OBP2B: variants seen among roughly 807,000 people sequenced by gnomAD.
OBP2B encodes odorant-binding protein 2b.
A neutral mutation model predicts 21.7 loss-of-function variants in OBP2B; 10 were observed. The ratio of observed to expected loss-of-function variants is 0.46; its 90% CI spans 0.28 to 0.78. The LOEUF (loss-of-function observed/expected upper bound fraction) is 0.78. Ranked by LOEUF, OBP2B falls within the 30% of genes least tolerant of loss-of-function variation. OBP2B has a pLI of 0.11. For missense variants in OBP2B, 153 were observed against 217.7 expected, an observed-to-expected ratio of 0.70 and a Z score of 1.87; for synonymous variants, 73 against 91.5, an observed-to-expected ratio of 0.80 and a Z score of 1.16.
At chr9:133,212,110 C>T (rs565044874), upstream of OBP2B, among the ~76,000 whole-genome samples, 1 of 152,212 alleles carries the variant, frequency 6.6e-6, no homozygotes, top group South Asian at 2.1e-4. Context: ...GGAAATTATA[C>T]AATAATAAGT....
At chr9:133,220,174 GA>G in the OBP2B span, among the ~76,000 whole-genome samples, 34 of 152,276 alleles carry the variant, frequency 2.2e-4, no homozygotes, top group African/African-American at 6.5e-4. Context: ...AGATCTCCTG[GA>G]ATTAGATAGT....
intron 5 of OBP2B, 43 bp from the exon 6 acceptor site, chr9:133,205,983 G>T: frequency 6.2e-7 from 1 of 1,613,816 alleles, no homozygotes; most frequent in Non-Finnish European, 8.5e-7. Flanking sequence ...AGGCGCCCTA[G>T]ACCAGGGCCC....
chr9:133,223,083 G>C, the OBP2B span, among the ~76,000 whole-genome samples: 2 of 152,168 alleles, frequency 1.3e-5, no homozygotes, highest in Admixed American at 1.3e-4. This position sits in a 1 kb window ranked among gnomAD's most constrained non-coding sequence, Gnocchi z 4.4. Flanking sequence ...TATCCAAAAT[G>C]CCGTATTTAA....
upstream of OBP2B, among the ~76,000 whole-genome samples, chr9:133,209,703 C>T (rs1303043152): frequency 7.9e-5 from 12 of 152,260 alleles, no homozygotes; most frequent in Non-Finnish European, 1.8e-4. The surrounding 1 kb of genome is among the most constrained non-coding windows in gnomAD (Gnocchi z 6.0). Flanking sequence ...CAGCTGAGTC[C>T]CGCACGCCCT....
In OBP2B at chr9:133,205,292, C is replaced by A; in HGVS notation, c.*121G>T. 3 of 1,486,294 alleles carry A rather than the reference C, an allele frequency of 2.0e-6. No individual in the cohort carries two copies. The highest frequency in any genetic ancestry group is 1.9e-4 in the Middle Eastern group (1 of 5,342). The allele number at this position is 1,486,294 out of a possible 1,614,324, so 92.1% of individuals were successfully genotyped here. ...CCTGCCCAGAGCTGGGGGAGAAGGA[C>A]TTTATTTGGAGTCAGGTGGGTGGGA... On this transcript the variant is annotated 3_prime_UTR_variant, in exon 7 of 7. Coordinates refer to ENST00000372034, the MANE Select transcript of OBP2B (RefSeq NM_014581.4).
upstream of OBP2B, among the ~76,000 whole-genome samples, chr9:133,211,672 C>T (rs1334942577): frequency 2.6e-5 from 4 of 152,196 alleles, no homozygotes; most frequent in African/African-American, 9.7e-5. Context: ...CTCAGAAGGA[C>T]TGAGTCCCAG....
At chr9:133,219,473 T>C in the OBP2B span, among the ~76,000 whole-genome samples, 1 of 152,222 alleles carries the variant, frequency 6.6e-6, no homozygotes, top group Non-Finnish European at 1.5e-5. Context: ...TAGACTTTCT[T>C]CAGAGAAGAT....
At chr9:133,208,224 G>C in intron 2 of OBP2B, 21 bp from the exon 3 acceptor site, 1 of 1,611,580 alleles carries the variant, frequency 6.2e-7, no homozygotes, top group Non-Finnish European at 8.5e-7. Context: ...GGAGACACGC[G>C]GGCAGCGGCT....
upstream of OBP2B, among the ~76,000 whole-genome samples, chr9:133,213,971 G>A (rs1221272490): frequency 6.6e-6 from 1 of 152,004 alleles, no homozygotes; most frequent in Non-Finnish European, 1.5e-5. Context: ...TATAGATACA[G>A]AAATCCTTTA....
the OBP2B span, among the ~76,000 whole-genome samples, chr9:133,215,457 C>A: frequency 9.9e-5 from 15 of 152,224 alleles, no homozygotes; most frequent in South Asian, 2.9e-3. Context: ...ACTAGAATAA[C>A]TAAAACTTTT....
chr9:133,208,770 G>GCCAGC (rs1833834600), intron 1 of OBP2B, among the ~76,000 whole-genome samples, 168 bp from the exon 2 acceptor site: 1 of 152,134 alleles, frequency 6.6e-6, no homozygotes, highest in Non-Finnish European at 1.5e-5. Context: ...GTGAGTTAGA[G>GCCAGC]CCAGCCCCCT....
At chr9:133,218,105 G>T in the OBP2B span, among the ~76,000 whole-genome samples, 1 of 152,232 alleles carries the variant, frequency 6.6e-6, no homozygotes, top group South Asian at 2.1e-4. Flanking sequence ...ATGAGGAACA[G>T]CCCCGCCAAG....
In OBP2B at chr9:133,206,317, G is replaced by A. The variant is rs782395961; in HGVS notation, c.488C>T (p.Thr163Met). 2.7e-5 allele frequency: 44 copies of A among 1,613,666 alleles called. No homozygotes were observed. The highest frequency in any genetic ancestry group is 1.6e-4 in the Middle Eastern group (1 of 6,084). ...SEEDIFTPLQ[T>M]GSCVPEH ...GGACTGGGCACAGCCATCCTCACCC[G>A]TCTGCAGGGGCGTGAAAATGTCCTC... is the stretch of plus-strand genomic sequence containing the variant. The change falls in exon 5 of 7, where the codon ACG becomes ATG. Residue 163 changes from threonine (T) to methionine (M), a missense_variant and splice_region_variant. Physicochemically the swap from Thr to Met is moderately conservative, Grantham distance 81 (BLOSUM62 -1). Transcript: ENST00000372034.
At chr9:133,220,240 T>G in the OBP2B span, among the ~76,000 whole-genome samples, 2 of 152,192 alleles carry the variant, frequency 1.3e-5, no homozygotes, top group Admixed American at 6.5e-5. Context: ...TTGGGCACTT[T>G]TAAAGAGTGA....
the OBP2B span, among the ~76,000 whole-genome samples, chr9:133,218,708 G>A: frequency 1.8e-3 from 274 of 152,292 alleles, no homozygotes; most frequent in African/African-American, 6.2e-3. Context: ...TATGCCTGGA[G>A]GGAATTTCAA....
chr9:133,223,009 T>C, the OBP2B span, among the ~76,000 whole-genome samples: 603 of 152,050 alleles, frequency 4.0e-3, 5 homozygotes, highest in African/African-American at 0.014. The surrounding 1 kb of genome is among the most constrained non-coding windows in gnomAD (Gnocchi z 4.4). Context: ...CTCTGAGAAG[T>C]TGCTGAATAA....
rs1185107777 is a variant in OBP2B at position 133,208,581 on chromosome 9, T to C, written c.94A>G (p.Lys32Glu). The change falls in exon 2 of 7, where the codon AAG becomes GAG. Residue 32 changes from lysine (K) to glutamate (E), a missense_variant. Physicochemically the swap from Lys to Glu is moderately conservative, Grantham distance 56. Coordinates refer to ENST00000372034, the MANE Select transcript of OBP2B (RefSeq NM_014581.4). ...AAGTCCTTATCGACCACCATGGCCT[T>C]CACGTACCAGGTCCCTGTGATCTGG... is the stretch of plus-strand genomic sequence containing the variant. ...EEDITGTWYVKAMVVDKDFPE... is the reference protein window; with the variant it reads ...EEDITGTWYVEAMVVDKDFPE... 3.1e-6 allele frequency: 5 copies of C among 1,611,406 alleles called. No individual in the cohort carries two copies. In the Admixed American group the frequency reaches 8.4e-5, roughly 27 times the overall value.
chr9:133,222,818 T>C, the OBP2B span, among the ~76,000 whole-genome samples: 1 of 152,012 alleles, frequency 6.6e-6, no homozygotes, highest in South Asian at 2.1e-4. Flanking sequence ...TTCCAGACTC[T>C]GTTGGGGGAC....
chr9:133,221,042 C>T, the OBP2B span, among the ~76,000 whole-genome samples: 99 of 152,228 alleles, frequency 6.5e-4, no homozygotes, highest in Middle Eastern at 3.4e-3. Flanking sequence ...GTTTTAGCCC[C>T]GTGAAACATA....
Sources: gnomAD v4.1 joint callset for allele counts (sites outside exome capture counted in the v4.1 genomes callset) on GRCh38, gnomAD v4.1.1 for gene constraint, Gnocchi (gnomAD v3.1) non-coding constraint, MANE v1.5 for transcripts, NCBI Gene and HGNC (gene_info 2026-07-23, HGNC 2026-07-21) for gene names.